Variants in NRCAM observed in about 807,000 individuals in gnomAD.
NRCAM encodes the protein NgCAM-related cell adhesion molecule.
In NRCAM, 83 loss-of-function variants were observed where a neutral mutation model predicts 156.5. The ratio of observed to expected loss-of-function variants is 0.53; its 90% CI spans 0.44 to 0.64. NRCAM has a LOEUF of 0.64. Among genes scored for constraint, NRCAM ranks in the 30% least tolerant of loss-of-function variants. The pLI is 0.00. For missense variants in NRCAM, 1,417 were observed against 1,597.3 expected (o/e 0.89, Z 1.92); for synonymous variants, 538 against 563.9 (o/e 0.95, Z 0.65).
intron 31 of NRCAM, 106 bp from the exon 32 acceptor site, chr7:108,159,647 A>C (rs17155081): frequency 3.8e-6 from 3 of 796,752 alleles, no homozygotes; most frequent in African/African-American, 3.4e-5. Context: ...ATAATTCCAT[A>C]CACAAGTAGA....
intron 2 of NRCAM, among the ~76,000 whole-genome samples, chr7:108,360,695 T>C (rs1303417902): frequency 6.6e-6 from 1 of 152,148 alleles, no homozygotes; most frequent in Non-Finnish European, 1.5e-5. Flanking sequence ...CCCTTACATT[T>C]ATGGTCAACT....
intron 1 of NRCAM, among the ~76,000 whole-genome samples, chr7:108,435,921 A>T (rs1831521484): frequency 6.6e-6 from 1 of 152,188 alleles, no homozygotes; most frequent in African/African-American, 2.4e-5. Flanking sequence ...TCACGAGGGT[A>T]GGAGATCCAG....
chr7:108,189,894 G>A (rs2070002440), intron 19 of NRCAM, 148 bp from the exon 20 acceptor site: 2 of 539,150 alleles, frequency 3.7e-6, no homozygotes, highest in Middle Eastern at 8.4e-4. Context: ...AATGTGCACA[G>A]CTGAGGCTGC....
At chr7:108,275,393 T>C (rs1266156605) in intron 3 of NRCAM, among the ~76,000 whole-genome samples, 1 of 152,200 alleles carries the variant, frequency 6.6e-6, no homozygotes, top group Non-Finnish European at 1.5e-5. Context: ...GGTAGGCTAT[T>C]AATTATTGCC....
In NRCAM at chr7:108,356,850, CCCTTAACGTGATGGTTGAGGTGGG is replaced by C. The variant is rs570118438; in HGVS notation, c.-174+42562_-174+42585del. 4.8e-3 allele frequency among the ~76,000 whole-genome samples: 735 copies of C among 152,324 alleles called. 2 individuals are homozygous for C. The highest frequency in any genetic ancestry group is 8.8e-3 in the Non-Finnish European group (600 of 68,036). On this transcript the variant is annotated intron_variant, in intron 2 of 32. Transcript: ENST00000379028. The stretch of plus-strand genomic sequence containing the variant: ...CAAAATTCATATGTTGAAATCCCAA[CCCTTAACGTGATGGTTGAGGTGGG>C]CCCAAAGAGATGGGCCCTTTGGGAA...
chr7:108,157,377 T>G (rs2046148470), intron 32 of NRCAM, among the ~76,000 whole-genome samples: 1 of 152,060 alleles, frequency 6.6e-6, no homozygotes, highest in African/African-American at 2.4e-5. Context: ...GTAAACACAG[T>G]GCTTATGAGG....
chr7:108,254,958 T>A (rs1231055844), intron 3 of NRCAM, among the ~76,000 whole-genome samples: 1 of 152,092 alleles, frequency 6.6e-6, no homozygotes. Flanking sequence ...TGTACGCAAA[T>A]GTATATAGCA....
chr7:108,257,393 G>T (rs2096725075), intron 3 of NRCAM, among the ~76,000 whole-genome samples: 1 of 152,160 alleles, frequency 6.6e-6, no homozygotes, highest in Admixed American at 6.5e-5. Flanking sequence ...AACATCCTGT[G>T]CTTTCCAAAT....
chr7:108,340,995 C>T (rs2099269910), intron 2 of NRCAM, among the ~76,000 whole-genome samples: 1 of 152,228 alleles, frequency 6.6e-6, no homozygotes. Context: ...TTATGGCCCT[C>T]AGGCAAGCAG....
At chr7:108,319,242 A>C (rs767137971) in intron 2 of NRCAM, among the ~76,000 whole-genome samples, 1 of 152,216 alleles carries the variant, frequency 6.6e-6, no homozygotes, top group Non-Finnish European at 1.5e-5. Flanking sequence ...AAAAAATTCA[A>C]CTTATACCCT....
intron 32 of NRCAM, among the ~76,000 whole-genome samples, chr7:108,155,431 T>TA (rs2044739871): frequency 6.6e-6 from 1 of 152,026 alleles, no homozygotes; most frequent in African/African-American, 2.4e-5. Context: ...TCTTGATACT[T>TA]AGATTCATGA....
At chr7:108,219,438 G>A (rs1259916717) in intron 11 of NRCAM, among the ~76,000 whole-genome samples, 1 of 152,102 alleles carries the variant, frequency 6.6e-6, no homozygotes, top group Admixed American at 6.6e-5. Flanking sequence ...GAACATAGAT[G>A]CTAAAATCCT....
intron 2 of NRCAM, among the ~76,000 whole-genome samples, chr7:108,318,039 C>CTTTTTTTTTTTT (rs779703662): frequency 1.4e-5 from 1 of 72,816 alleles, no homozygotes; most frequent in Non-Finnish European, 2.4e-5. Flanking sequence ...TTCACTTTTC[C>CTTTTTTTTTTTT]TTTTTTTTTT....
At chr7:108,259,039 C>T (rs2096790560) in intron 3 of NRCAM, among the ~76,000 whole-genome samples, 1 of 152,152 alleles carries the variant, frequency 6.6e-6, no homozygotes, top group Non-Finnish European at 1.5e-5. Flanking sequence ...ATTTGAGTGC[C>T]CAACAGCCAC....
intron 2 of NRCAM, among the ~76,000 whole-genome samples, chr7:108,373,271 T>C (rs552550288): frequency 2.0e-5 from 3 of 152,288 alleles, no homozygotes; most frequent in East Asian, 3.9e-4. Flanking sequence ...TAGAGATCTG[T>C]CATATGCCAT....
At chr7:108,268,002 C>T (rs2097171417) in intron 3 of NRCAM, among the ~76,000 whole-genome samples, 1 of 22,090 alleles carries the variant, frequency 4.5e-5, no homozygotes, top group Non-Finnish European at 9.4e-5. Flanking sequence ...AATGAGTGCA[C>T]ATCAGGATTT....
intron 3 of NRCAM, among the ~76,000 whole-genome samples, chr7:108,264,853 T>C (rs1297857395): frequency 6.6e-6 from 1 of 152,206 alleles, no homozygotes; most frequent in Non-Finnish European, 1.5e-5. Flanking sequence ...GAAAAAGTTA[T>C]TCTCTTTTTA....
intron 2 of NRCAM, among the ~76,000 whole-genome samples, chr7:108,313,936 GA>G (rs1175311910): frequency 6.6e-6 from 1 of 152,016 alleles, no homozygotes. Flanking sequence ...ATCTAAACAA[GA>G]AAAAAATAAA....
At chr7:108,216,043 T>C (rs1448902200) in intron 11 of NRCAM, among the ~76,000 whole-genome samples, 2 of 152,242 alleles carry the variant, frequency 1.3e-5, no homozygotes, top group African/African-American at 2.4e-5. Context: ...TTGCAGTGGC[T>C]GGTTCTGGTT....
Sources: gnomAD v4.1 joint callset for allele counts (sites outside exome capture counted in the v4.1 genomes callset) on GRCh38, gnomAD v4.1.1 for gene constraint, MANE v1.5 for transcripts, NCBI Gene and HGNC (gene_info 2026-07-23, HGNC 2026-07-21) for gene names.